Variants in EPHA6 observed in about 807,000 individuals in gnomAD.
EPHA6 encodes ephrin type-A receptor 6.
Under a neutral mutation model 112.0 loss-of-function variants are expected in EPHA6, and 50 were observed. The ratio of observed to expected loss-of-function variants is 0.45; its 90% CI spans 0.36 to 0.56. EPHA6 has a LOEUF of 0.56. Among genes scored for constraint, EPHA6 ranks in the 20% least tolerant of loss-of-function variants. The pLI is 0.00. For synonymous variants in EPHA6, 529 were observed against 490.7 expected (o/e 1.08, Z -1.03); for missense variants, 1,280 against 1,417.4 (o/e 0.90, Z 1.56).
intron 14 of EPHA6, among the ~76,000 whole-genome samples, chr3:97,670,787 A>T (rs962940408): frequency 2.0e-5 from 3 of 152,198 alleles, no homozygotes; most frequent in African/African-American, 7.2e-5. Context: ...TCCTTTGTAA[A>T]TCACCGTCAT....
At chr3:97,149,613 TA>T (rs1004295597) in intron 3 of EPHA6, among the ~76,000 whole-genome samples, 3 of 151,918 alleles carry the variant, frequency 2.0e-5, no homozygotes, top group Non-Finnish European at 4.4e-5. Context: ...GGCTATGCAA[TA>T]GTAATATTTC....
Position 97,592,720 on chromosome 3 carries a change from C to A in EPHA6, c.2495C>A (p.Pro832His). 6.3e-7 allele frequency: 1 copy of A among 1,596,696 alleles called. No homozygotes were observed. The highest frequency in any genetic ancestry group is 1.4e-5 in the African/African-American group (1 of 73,812). ...PHPVPGGGSL[P>H]PRIPAGRPVM... ...CCAGTGCCAGGGGGAGGATCTTTGC[C>A]CCCCAGGATTCCTGCTGGTAGGTAT... The change falls in exon 12 of 18, where the codon CCC (proline) becomes CAC (histidine). Residue 832 changes from proline to histidine, a missense_variant. By Grantham distance (77) the Pro-to-His change is moderately conservative (BLOSUM62 -2). Coordinates refer to ENST00000389672, the MANE Select transcript of EPHA6 (RefSeq NM_001080448.3).
At chr3:97,605,166 G>T (rs895311329) in intron 12 of EPHA6, among the ~76,000 whole-genome samples, 1 of 151,380 alleles carries the variant, frequency 6.6e-6, no homozygotes, top group Admixed American at 6.6e-5. Context: ...CAATGGAGAT[G>T]ATATTTAAGC....
rs1445827813 is a variant in EPHA6, at chr3:97,448,563, C to G, written c.1732-5C>G. 2 of 1,611,124 alleles carry G rather than the reference C, an allele frequency of 1.2e-6. No homozygotes were observed. The highest frequency in any genetic ancestry group is 1.7e-6 in the Non-Finnish European group (2 of 1,178,800). On this transcript the variant is annotated splice_polypyrimidine_tract_variant and splice_region_variant and intron_variant, in intron 6 of 17. Coordinates refer to ENST00000389672, the MANE Select transcript of EPHA6 (RefSeq NM_001080448.3). ...TTTCCTTTCTCCTTTTTTTCTGTCC[C>G]CCAGGAACATGAGCAGCTGACCTAC... is the stretch of plus-strand genomic sequence containing the variant.
At chr3:97,060,643 G>A (rs936332990) in intron 3 of EPHA6, among the ~76,000 whole-genome samples, 1 of 152,050 alleles carries the variant, frequency 6.6e-6, no homozygotes, top group African/African-American at 2.4e-5. Flanking sequence ...CGGGCGCGGT[G>A]GCTCACGCCT....
In EPHA6 at chr3:97,422,343, G is replaced by A. The variant is rs963403546; in HGVS notation, c.1731+17069G>A. On this transcript the variant is annotated intron_variant, in intron 6 of 17. Coordinates refer to ENST00000389672, the MANE Select transcript of EPHA6 (RefSeq NM_001080448.3). ...TATGTAAGATCTGTATGTCAACCTA[G>A]GTAAGAAAATACACTCAACTTCATT... 7.2e-5 allele frequency among the ~76,000 whole-genome samples: 11 copies of A among 152,084 alleles called. No homozygotes were observed. The South Asian group carries it at 2.3e-3, about 32-fold the overall frequency.
chr3:96,844,675 T>G (rs7650791), intron 1 of EPHA6, among the ~76,000 whole-genome samples: 10,481 of 152,048 alleles, frequency 0.069, 716 homozygotes, highest in Admixed American at 0.21. Flanking sequence ...GGACTAAAGA[T>G]GAATACTTTC....
chr3:97,254,033 G>A (rs1274374822), intron 5 of EPHA6, among the ~76,000 whole-genome samples: 1 of 151,950 alleles, frequency 6.6e-6, no homozygotes, highest in Non-Finnish European at 1.5e-5. Context: ...GAGAATAAAT[G>A]TTTAATGTAT....
intron 5 of EPHA6, among the ~76,000 whole-genome samples, chr3:97,281,337 G>A (rs1418526916): frequency 1.3e-5 from 2 of 152,054 alleles, no homozygotes; most frequent in Non-Finnish European, 2.9e-5. Context: ...GGGGGAAAAG[G>A]AAGCACATAT....
Position 97,751,357 on chromosome 3 carries a change from T to C in EPHA6, c.*2656T>C, listed in dbSNP as rs900965063. On this transcript the variant is annotated 3_prime_UTR_variant, in exon 18 of 18. Coordinates refer to ENST00000389672, the MANE Select transcript of EPHA6 (RefSeq NM_001080448.3). ...TTTTGATAGTATCATAAAACTACTT[T>C]TTGCTTTGTCTCTCATCCCATGTCT... Among the ~76,000 whole-genome samples the C allele has an allele frequency of 2.6e-5, 4 of 152,106 alleles. No individual in the cohort carries two copies. In the South Asian group the frequency reaches 8.3e-4, roughly 31 times the overall value.
chr3:96,828,233 C>G (rs1350552054), intron 1 of EPHA6, among the ~76,000 whole-genome samples: 1 of 152,088 alleles, frequency 6.6e-6, no homozygotes, highest in South Asian at 2.1e-4. Flanking sequence ...TCCTTTTAGG[C>G]TGTTCAGAAC....
rs778370956 is a variant in EPHA6, at chr3:97,483,952, A to G, written c.2093A>G (p.Lys698Arg). Reference sequence around the variant, plus strand: ...GTTGCAGTGCGCTTCCCGGGAATTAAAACTTACATTGATCCAGATACATAT... The same window carrying G: ...GTTGCAGTGCGCTTCCCGGGAATTAGAACTTACATTGATCCAGATACATAT... ...QNGHLRFPGI[K>R]TYIDPDTYED... The change falls in exon 10 of 18, where the codon AAA (lysine) becomes AGA (arginine). Residue 698 changes from lysine to arginine, a missense_variant. Lys to Arg is a conservative substitution (Grantham distance 26). This residue lies in a region of EPHA6 where 878 missense variants were observed against 999.7 expected (regional missense o/e 0.88). Coordinates refer to ENST00000389672, the MANE Select transcript of EPHA6 (RefSeq NM_001080448.3). The G allele has an allele frequency of 1.3e-5, 20 of 1,599,804 alleles. No individual in the cohort carries two copies. Among genetic ancestry groups the G allele is most frequent in the Non-Finnish European group, 1.7e-5 (20 of 1,174,198 alleles).
chr3:97,183,539 T>C (rs1004371874), intron 3 of EPHA6, among the ~76,000 whole-genome samples: 1 of 152,182 alleles, frequency 6.6e-6, no homozygotes, highest in East Asian at 1.9e-4. Context: ...ATAAAAGTTA[T>C]TCACATTCTA....
At chr3:97,306,293 CTTT>C (rs5851061) in intron 5 of EPHA6, among the ~76,000 whole-genome samples, 5 of 124,818 alleles carry the variant, frequency 4.0e-5, no homozygotes, top group Admixed American at 8.0e-5. Flanking sequence ...TCAGGGCCCT[CTTT>C]TTTTTTTTTT....
intron 3 of EPHA6, among the ~76,000 whole-genome samples, chr3:97,107,211 T>A (rs1559732527): frequency 6.6e-6 from 1 of 152,148 alleles, no homozygotes; most frequent in Non-Finnish European, 1.5e-5. Context: ...AAAAGTGATG[T>A]TTTCATTGAG....
intron 11 of EPHA6, among the ~76,000 whole-genome samples, chr3:97,578,363 G>A (rs1227189905): frequency 1.3e-5 from 2 of 151,980 alleles, no homozygotes; most frequent in African/African-American, 4.8e-5. Context: ...GGAGGAAGGG[G>A]CACATATAGT....
chr3:96,840,521 C>G (rs919195358), intron 1 of EPHA6, among the ~76,000 whole-genome samples: 2 of 152,004 alleles, frequency 1.3e-5, no homozygotes, highest in South Asian at 2.1e-4. Flanking sequence ...TAGTCGTGAG[C>G]AAGAGTGATA....
intron 11 of EPHA6, among the ~76,000 whole-genome samples, chr3:97,569,757 A>G (rs2093312822): frequency 6.6e-6 from 1 of 152,208 alleles, no homozygotes; most frequent in Non-Finnish European, 1.5e-5. Flanking sequence ...CTCTGAGCTT[A>G]AATTATGAAC....
At chr3:97,332,929 T>G (rs1330682245) in intron 5 of EPHA6, among the ~76,000 whole-genome samples, 1 of 152,054 alleles carries the variant, frequency 6.6e-6, no homozygotes, top group Admixed American at 6.6e-5. Context: ...TTTGTCAAGA[T>G]TTTTTTGACT....
Sources: allele counts gnomAD v4.1 joint callset (sites outside exome capture counted in the v4.1 genomes callset), GRCh38; gene constraint gnomAD v4.1.1; regional missense constraint gnomAD v4.1.1; transcripts MANE v1.5; gene names NCBI Gene and HGNC (gene_info 2026-07-23, HGNC 2026-07-21).